Variants in ADAMTS17 observed in about 807,000 individuals in gnomAD.
ADAMTS17 encodes the protein A disintegrin and metalloproteinase with thrombospondin motifs 17.
ADAMTS17 carries 113 observed loss-of-function variants against 141.5 expected under a neutral mutation model. The ratio of observed to expected loss-of-function variants is 0.80; its 90% CI spans 0.69 to 0.93. ADAMTS17 has a LOEUF of 0.93. Ranked by LOEUF, ADAMTS17 falls within the 40% of genes least tolerant of loss-of-function variation. The pLI is 0.00. For synonymous variants in ADAMTS17, 768 were observed against 630.6 expected, an observed-to-expected ratio of 1.22 and a Z score of -3.27; for missense variants, 1,659 against 1,517.9, an observed-to-expected ratio of 1.09 and a Z score of -1.54.
At chr15:100,273,314 G>C (rs2043976488) in intron 4 of ADAMTS17, among the ~76,000 whole-genome samples, 1 of 152,128 alleles carries the variant, frequency 6.6e-6, no homozygotes, top group Non-Finnish European at 1.5e-5. Context: ...GTTTACCAAT[G>C]AAGTCATAAT....
At chr15:100,323,212 A>G (rs10468190) in intron 3 of ADAMTS17, among the ~76,000 whole-genome samples, 1 of 152,142 alleles carries the variant, frequency 6.6e-6, no homozygotes, top group African/African-American at 2.4e-5. Context: ...GTGTTTACAT[A>G]TATTAACTTA....
intron 3 of ADAMTS17, among the ~76,000 whole-genome samples, chr15:100,290,206 T>C (rs1488222619): frequency 6.6e-6 from 1 of 152,128 alleles, no homozygotes; most frequent in Non-Finnish European, 1.5e-5. Context: ...AGCATTTCTA[T>C]ATACCAATGA....
intron 3 of ADAMTS17, among the ~76,000 whole-genome samples, chr15:100,328,365 T>G (rs1172099649): frequency 6.6e-6 from 1 of 152,160 alleles, no homozygotes; most frequent in East Asian, 1.9e-4. Flanking sequence ...ACAGCCACAT[T>G]TACTGAATAT....
intron 18 of ADAMTS17, among the ~76,000 whole-genome samples, chr15:100,039,579 A>T (rs753340004): frequency 6.6e-6 from 1 of 152,144 alleles, no homozygotes; most frequent in Non-Finnish European, 1.5e-5. Context: ...CTGATTTCTA[A>T]TGTCATTCCA....
intron 18 of ADAMTS17, among the ~76,000 whole-genome samples, chr15:100,004,973 C>G (rs980536374): frequency 4.6e-5 from 7 of 152,218 alleles, no homozygotes; most frequent in Non-Finnish European, 7.3e-5. Flanking sequence ...CCAGGCTGGT[C>G]TTGAACTCCT....
At chr15:100,239,116 G>GA (rs1275882047) in intron 7 of ADAMTS17, among the ~76,000 whole-genome samples, 2 of 152,164 alleles carry the variant, frequency 1.3e-5, no homozygotes, top group Non-Finnish European at 2.9e-5. Flanking sequence ...TGTGAGAAAG[G>GA]AAAGACTGTA....
At chr15:100,223,320 A>G (rs1462379165) in intron 7 of ADAMTS17, among the ~76,000 whole-genome samples, 1 of 152,232 alleles carries the variant, frequency 6.6e-6, no homozygotes, top group Admixed American at 6.5e-5. Context: ...TTTCTTAGGA[A>G]AAAGCACTGA....
intron 18 of ADAMTS17, among the ~76,000 whole-genome samples, chr15:100,034,791 C>G (rs2030542373): frequency 6.6e-6 from 1 of 152,216 alleles, no homozygotes; most frequent in South Asian, 2.1e-4. Flanking sequence ...CCTTATTCCT[C>G]CAGCATTAAA....
At chr15:100,197,836 A>T (rs899629507) in intron 8 of ADAMTS17, among the ~76,000 whole-genome samples, 3 of 152,204 alleles carry the variant, frequency 2.0e-5, no homozygotes, top group Admixed American at 2.0e-4. Context: ...CAACAAAAAC[A>T]TGCAGCCATA....
At chr15:100,269,065 T>C (rs1164956115) in intron 4 of ADAMTS17, among the ~76,000 whole-genome samples, 1 of 152,198 alleles carries the variant, frequency 6.6e-6, no homozygotes, top group Non-Finnish European at 1.5e-5. Flanking sequence ...GGTGCTGGGA[T>C]AGCTAGCTAT....
At chr15:100,241,326 G>A (rs1453677588) in intron 7 of ADAMTS17, among the ~76,000 whole-genome samples, 1 of 152,166 alleles carries the variant, frequency 6.6e-6, no homozygotes, top group Non-Finnish European at 1.5e-5. Flanking sequence ...AAGTTGTTCT[G>A]TAAGCCTGAA....
intron 7 of ADAMTS17, among the ~76,000 whole-genome samples, chr15:100,253,243 C>T (rs554239945): frequency 1.3e-5 from 2 of 148,758 alleles, no homozygotes; most frequent in Non-Finnish European, 3.0e-5. Flanking sequence ...ATTAACCAAA[C>T]ACTGTGTGCA....
intron 7 of ADAMTS17, among the ~76,000 whole-genome samples, chr15:100,227,458 C>T (rs1376013915): frequency 1.3e-5 from 2 of 152,226 alleles, no homozygotes; most frequent in African/African-American, 4.8e-5. Context: ...AATGACTGTA[C>T]ACTTGGCCGC....
chr15:100,094,041 C>T (rs540188835), intron 15 of ADAMTS17, among the ~76,000 whole-genome samples: 1 of 151,700 alleles, frequency 6.6e-6, no homozygotes, highest in Non-Finnish European at 1.5e-5. Flanking sequence ...ATATACAATC[C>T]ACATGGATGT....
intron 18 of ADAMTS17, among the ~76,000 whole-genome samples, chr15:100,025,520 T>TCC (rs1220953741): frequency 6.6e-6 from 1 of 151,818 alleles, no homozygotes; most frequent in Non-Finnish European, 1.5e-5. Context: ...CAAGCAATTC[T>TCC]CCTGCCTCAG....
chr15:100,031,946 A>AAGAAAG (rs1194896293), intron 18 of ADAMTS17, among the ~76,000 whole-genome samples: 1 of 152,206 alleles, frequency 6.6e-6, no homozygotes, highest in Non-Finnish European at 1.5e-5. Context: ...GAACAAGAAA[A>AAGAAAG]AGAAAGGGAA....
At chr15:100,120,499 C>A (rs1452014081) in intron 12 of ADAMTS17, among the ~76,000 whole-genome samples, 1 of 152,212 alleles carries the variant, frequency 6.6e-6, no homozygotes, top group African/African-American at 2.4e-5. Context: ...TTGCTGTAAC[C>A]TCCACCAGGT....
At chr15:100,086,827 G>A (rs996161022) in intron 15 of ADAMTS17, among the ~76,000 whole-genome samples, 1 of 151,660 alleles carries the variant, frequency 6.6e-6, no homozygotes, top group African/African-American at 2.4e-5. Flanking sequence ...GAATCTCTGG[G>A]ACACATTCAA....
Position 99,974,574 on chromosome 15 carries a change from GGAGA to G in ADAMTS17, c.3128-16_3128-13del. ...GTAGGTCAGAGCAGCTAAGGGGATA[GGAGA>G]GAGAATACCCAGGGTCAGGGATGGC... On this transcript the variant is annotated splice_polypyrimidine_tract_variant and intron_variant, in intron 21 of 21. Transcript: ENST00000268070. 1.2e-6 allele frequency: 2 copies of G among 1,614,142 alleles called. No individual in the cohort carries two copies. The highest frequency in any genetic ancestry group is 1.7e-6 in the Non-Finnish European group (2 of 1,179,948).
Sources: gnomAD v4.1 joint callset for allele counts (sites outside exome capture counted in the v4.1 genomes callset) on GRCh38, gnomAD v4.1.1 for gene constraint, MANE v1.5 for transcripts, NCBI Gene and HGNC (gene_info 2026-07-23, HGNC 2026-07-21) for gene names.